The following SUPT3H variants were observed in gnomAD, a reference collection of about 807,000 sequenced individuals.
SUPT3H encodes the protein SPT3 homolog, SAGA and STAGA complex component, also known as transcription initiation protein SPT3 homolog.
In SUPT3H, 44 loss-of-function variants were observed where a neutral mutation model predicts 44.3. The ratio of observed to expected loss-of-function variants is 0.99; its 90% CI spans 0.78 to 1.28. The LOEUF (loss-of-function observed/expected upper bound fraction) is 1.28. Ranked by LOEUF, SUPT3H falls within the 50% of genes most tolerant of loss-of-function variation. SUPT3H has a pLI of 0.00. For missense variants in SUPT3H, 380 were observed against 387.1 expected (o/e 0.98, Z 0.15); for synonymous variants, 124 against 125.6 (o/e 0.99, Z 0.09).
At chr6:44,895,994 T>C (rs936374277) in intron 10 of SUPT3H, among the ~76,000 whole-genome samples, 8 of 152,052 alleles carry the variant, frequency 5.3e-5, no homozygotes, top group Non-Finnish European at 1.0e-4. Context: ...GAAGGAGGGA[T>C]TGTATATGTC....
chr6:45,163,934 A>G (rs1809440876), intron 2 of SUPT3H, among the ~76,000 whole-genome samples: 1 of 152,168 alleles, frequency 6.6e-6, no homozygotes, highest in African/African-American at 2.4e-5. Flanking sequence ...ATTATTTGCA[A>G]TCCCGTATTT....
chr6:45,024,594 C>T (rs1188177638), intron 3 of SUPT3H, among the ~76,000 whole-genome samples: 3 of 152,152 alleles, frequency 2.0e-5, no homozygotes, highest in Non-Finnish European at 4.4e-5. Flanking sequence ...TATAATTCTA[C>T]ATTTAGGCTC....
intron 2 of SUPT3H, among the ~76,000 whole-genome samples, chr6:45,320,009 A>T (rs970135155): frequency 6.6e-6 from 1 of 152,164 alleles, no homozygotes; most frequent in African/African-American, 2.4e-5. Context: ...TTGGATTCCA[A>T]CCTCATCCTA....
At chr6:45,238,102 C>G (rs1769547036) in intron 2 of SUPT3H, among the ~76,000 whole-genome samples, 1 of 152,104 alleles carries the variant, frequency 6.6e-6, no homozygotes, top group East Asian at 1.9e-4. Context: ...ATTTGCCAGA[C>G]TTATGTAGGG....
At chr6:45,008,636 T>A (rs947169917) in intron 5 of SUPT3H, among the ~76,000 whole-genome samples, 2 of 151,980 alleles carry the variant, frequency 1.3e-5, no homozygotes, top group Non-Finnish European at 2.9e-5. Flanking sequence ...ATTATAGATA[T>A]GAGCCACCAT....
chr6:45,090,970 T>C (rs1462433512), intron 3 of SUPT3H, among the ~76,000 whole-genome samples: 1 of 151,974 alleles, frequency 6.6e-6, no homozygotes, highest in Non-Finnish European at 1.5e-5. Context: ...ACTAAAACTT[T>C]TCTTCTTAAA....
chr6:45,081,203 G>A (rs1795764541), intron 3 of SUPT3H, among the ~76,000 whole-genome samples: 2 of 151,806 alleles, frequency 1.3e-5, no homozygotes, highest in South Asian at 2.1e-4. Context: ...TACATAATCT[G>A]GTCCCTATCT....
chr6:44,934,813 T>C (rs529214125), intron 9 of SUPT3H, among the ~76,000 whole-genome samples: 5 of 152,296 alleles, frequency 3.3e-5, no homozygotes, highest in South Asian at 4.1e-4. Flanking sequence ...ATTCCTATTG[T>C]TTATAAGCCA....
chr6:45,280,429 C>A (rs1198919804), intron 2 of SUPT3H, among the ~76,000 whole-genome samples: 1 of 151,972 alleles, frequency 6.6e-6, no homozygotes, highest in Non-Finnish European at 1.5e-5. Context: ...CTACTTGAAT[C>A]CAGGAAGTGG....
chr6:44,817,229 T>C (rs1357907322), intron 11 of SUPT3H, among the ~76,000 whole-genome samples: 2 of 146,536 alleles, frequency 1.4e-5, no homozygotes, highest in Admixed American at 1.4e-4. Context: ...AATCTATCAC[T>C]GGGAAAAAAA....
chr6:44,916,142 AGTAGAAG>A (rs1767771985), intron 10 of SUPT3H, among the ~76,000 whole-genome samples: 1 of 152,206 alleles, frequency 6.6e-6, no homozygotes, highest in African/African-American at 2.4e-5. Flanking sequence ...ACTCCACACT[AGTAGAAG>A]TTTAGGAATC....
At chr6:45,020,693 A>C (rs1392714457) in intron 3 of SUPT3H, 61 bp from the exon 4 acceptor site, 3 of 1,204,076 alleles carry the variant, frequency 2.5e-6, no homozygotes, top group Non-Finnish European at 3.6e-6. Flanking sequence ...TAGTACAGTC[A>C]TGATGTCTCT....
intron 3 of SUPT3H, among the ~76,000 whole-genome samples, chr6:45,069,236 T>C (rs1793987217): frequency 6.6e-6 from 1 of 152,170 alleles, no homozygotes; most frequent in Non-Finnish European, 1.5e-5. Context: ...TATAAACCAA[T>C]TGTATTAGAG....
At chr6:45,236,042 T>G (rs116378545) in intron 2 of SUPT3H, among the ~76,000 whole-genome samples, 103 of 152,326 alleles carry the variant, frequency 6.8e-4, no homozygotes, top group African/African-American at 2.4e-3. Flanking sequence ...TTTTAGTTAA[T>G]CTGTAATCTA....
intron 6 of SUPT3H, among the ~76,000 whole-genome samples, chr6:44,979,950 T>C (rs932744110): frequency 6.6e-6 from 1 of 152,216 alleles, no homozygotes; most frequent in Non-Finnish European, 1.5e-5. Context: ...TACGTTCTTA[T>C]CAATCCAGGG....
At chr6:45,005,480 C>G (rs1041821830) in intron 5 of SUPT3H, among the ~76,000 whole-genome samples, 18 of 152,212 alleles carry the variant, frequency 1.2e-4, no homozygotes, top group Non-Finnish European at 2.4e-4. Context: ...TGGCTCACGC[C>G]TGTAATCCCA....
At chr6:44,853,074 T>C (rs752196601) in intron 10 of SUPT3H, among the ~76,000 whole-genome samples, 137 of 152,340 alleles carry the variant, frequency 9.0e-4, no homozygotes, top group Admixed American at 4.1e-3. Context: ...TAAGCTTTTG[T>C]TTTTTAATTA....
intron 2 of SUPT3H, among the ~76,000 whole-genome samples, chr6:45,282,133 G>A (rs183807031): frequency 4.3e-4 from 65 of 152,214 alleles, no homozygotes; most frequent in Middle Eastern, 6.8e-3. Flanking sequence ...CCACAAAAAT[G>A]GGGAAAAAAC....
intron 10 of SUPT3H, among the ~76,000 whole-genome samples, chr6:44,870,228 T>C (rs1051630332): frequency 1.3e-5 from 2 of 152,186 alleles, no homozygotes; most frequent in Admixed American, 6.5e-5. Flanking sequence ...GCTCTTTCAA[T>C]TAACATGTAT....
Sources: allele counts gnomAD v4.1 joint callset (sites outside exome capture counted in the v4.1 genomes callset), GRCh38; gene constraint gnomAD v4.1.1; transcripts MANE v1.5; gene names NCBI Gene and HGNC (gene_info 2026-07-23, HGNC 2026-07-21).